Variants in SCN9A observed in about 807,000 individuals in gnomAD.
SCN9A encodes sodium voltage-gated channel alpha subunit 9.
Under a neutral mutation model 187.0 loss-of-function variants are expected in SCN9A, and 131 were observed. The ratio of observed to expected loss-of-function variants is 0.70; its 90% CI spans 0.61 to 0.81. The LOEUF is 0.81. Ranked by LOEUF, SCN9A falls within the 30% of genes least tolerant of loss-of-function variation. The pLI is 0.00. For synonymous variants in SCN9A, 809 were observed against 808.6 expected, an observed-to-expected ratio of 1.00 and a Z score of -0.01; for missense variants, 2,252 against 2,396.6, an observed-to-expected ratio of 0.94 and a Z score of 1.26.
At chr2:166,269,538 T>C (rs1696887296) in intron 17 of SCN9A, among the ~76,000 whole-genome samples, 1 of 152,066 alleles carries the variant, frequency 6.6e-6, no homozygotes, top group Non-Finnish European at 1.5e-5. Flanking sequence ...TTTATAACTG[T>C]ATAACTCTAT....
At chr2:166,297,870 GA>G (rs1269770302) in intron 7 of SCN9A, among the ~76,000 whole-genome samples, 1 of 151,926 alleles carries the variant, frequency 6.6e-6, no homozygotes, top group Non-Finnish European at 1.5e-5. Context: ...TACGTATGGG[GA>G]AAATGAAAAT....
intron 4 of SCN9A, among the ~76,000 whole-genome samples, chr2:166,306,171 A>T (rs187500785): frequency 2.2e-4 from 33 of 152,236 alleles, no homozygotes; most frequent in Non-Finnish European, 3.7e-4. Context: ...CTGCCTAAAA[A>T]TTTCCTACAT....
At chr2:166,243,291 G>T (rs150491845) in intron 18 of SCN9A, among the ~76,000 whole-genome samples, 2 of 151,890 alleles carry the variant, frequency 1.3e-5, no homozygotes, top group East Asian at 1.9e-4. Flanking sequence ...ATTCATTAAC[G>T]CATTCTTTTG....
intron 1 of SCN9A, among the ~76,000 whole-genome samples, chr2:166,358,946 A>C (rs1359031448): frequency 6.6e-6 from 1 of 152,196 alleles, no homozygotes; most frequent in East Asian, 1.9e-4. Context: ...TTAGGTGGCA[A>C]AGCAGTAATC....
chr2:166,207,718 G>A (rs1693881365), intron 24 of SCN9A, among the ~76,000 whole-genome samples: 3 of 152,206 alleles, frequency 2.0e-5, no homozygotes, highest in Non-Finnish European at 1.5e-5. Flanking sequence ...TGGGATTACA[G>A]GCGTGAGCCA....
rs1031609496 is a variant in SCN9A at position 166,195,591 on chromosome 2, T to A, written c.*3081A>T. 1.3e-5 allele frequency: 2 copies of A among 152,222 alleles called. No individual in the cohort carries two copies. The highest frequency in any genetic ancestry group is 1.3e-4 in the Admixed American group (2 of 15,278). The allele number at this position is 152,222 out of a possible 1,614,324, so 9.4% of individuals were successfully genotyped here. ...ATATGCATTTTATTTTCACTCTTTT[T>A]AATAAAGCTATCAAAACTCTATAAA... On this transcript the variant is annotated 3_prime_UTR_variant, in exon 27 of 27. Coordinates refer to ENST00000642356, the MANE Select transcript of SCN9A (RefSeq NM_001365536.1).
rs1694854450 is a variant in SCN9A, at chr2:166,226,670, T to G, written c.4295A>C (p.Tyr1432Ser). 6.3e-7 allele frequency: 1 copy of G among 1,586,230 alleles called. No homozygotes were observed. Among genetic ancestry groups the G allele is most frequent in the South Asian group, 1.2e-5 (1 of 83,526 alleles). ...DKQPKYEYSL[Y>S]MYIYFVVFII... ...AAAGACGACAAAATAAATATACATG[T>G]AGAGGCTATATTCATATTTGGGCTG... The change falls in exon 24 of 27, where the codon TAC (tyrosine) becomes TCC (serine). Residue 1432 changes from tyrosine (Y) to serine (S), a missense_variant. Tyr to Ser is a moderately radical substitution (Grantham distance 144). This residue lies in a region of SCN9A where 368 missense variants were observed against 408.6 expected (regional missense o/e 0.90). Coordinates refer to ENST00000642356, the MANE Select transcript of SCN9A (RefSeq NM_001365536.1).
chr2:166,245,793 AATTC>A (rs1283784757), intron 18 of SCN9A, among the ~76,000 whole-genome samples: 2 of 151,990 alleles, frequency 1.3e-5, no homozygotes, highest in African/African-American at 4.8e-5. Flanking sequence ...AAAACAATAT[AATTC>A]ATTAACAAGT....
intron 18 of SCN9A, chr2:166,248,385 A>T (rs1695886698): frequency 6.6e-6 from 1 of 152,094 alleles, no homozygotes; most frequent in Non-Finnish European, 1.5e-5. Flanking sequence ...CAATCCATCA[A>T]CAAATCCCTT....
chr2:166,330,973 T>C (rs1574933742), intron 1 of SCN9A, among the ~76,000 whole-genome samples: 1 of 152,210 alleles, frequency 6.6e-6, no homozygotes, highest in East Asian at 1.9e-4. Flanking sequence ...ATCTGTGGCT[T>C]ATACAACTGG....
chr2:166,362,540 T>C (rs1700310004), intron 1 of SCN9A, among the ~76,000 whole-genome samples: 2 of 152,060 alleles, frequency 1.3e-5, no homozygotes, highest in South Asian at 2.1e-4. Context: ...ATAAATAGGA[T>C]TGGAGTCATG....
intron 1 of SCN9A, among the ~76,000 whole-genome samples, chr2:166,360,619 G>C (rs1700260937): frequency 6.6e-6 from 1 of 152,164 alleles, no homozygotes; most frequent in South Asian, 2.1e-4. Context: ...GGCAGACTTA[G>C]GTTTGAATTT....
intron 16 of SCN9A, 21 bp from the exon 17 acceptor site, chr2:166,272,896 G>A (rs766457868): frequency 2.5e-6 from 3 of 1,179,222 alleles, no homozygotes; most frequent in Non-Finnish European, 3.4e-6. Flanking sequence ...GTGGGGAGAG[G>A]GGGTAGAGAA....
At chr2:166,356,344 A>C (rs1014528299) in intron 1 of SCN9A, among the ~76,000 whole-genome samples, 7 of 152,182 alleles carry the variant, frequency 4.6e-5, no homozygotes, top group African/African-American at 1.7e-4. Context: ...ACATTCATTC[A>C]TTCATTCATT....
rs754999894 is a variant in SCN9A, at chr2:166,280,589, T to A, written c.2111A>T (p.Glu704Val). ...AGGTGGACATTTTTGTCTGGACTCTTCAAGTTCTGGGAGAAAAAAGCAGAG... is the reference window on the plus strand; with the variant it reads ...AGGTGGACATTTTTGTCTGGACTCTACAAGTTCTGGGAGAAAAAAGCAGAG... ...SILTNTVEEL[E>V]ESRQKCPPWW... Residue 704 changes from glutamate to valine, a missense_variant, in exon 14 of 27, where the codon GAA becomes GTA. Physicochemically the swap from Glu to Val is moderately radical, Grantham distance 121. This residue lies in a region of SCN9A where 1,013 missense variants were observed against 997.4 expected (regional missense o/e 1.02). Transcript: ENST00000642356. The A allele has an allele frequency of 7.0e-6, 11 of 1,564,454 alleles. No homozygotes were observed. Among genetic ancestry groups the A allele is most frequent in the Middle Eastern group, 1.7e-4 (1 of 5,998 alleles).
chr2:166,220,136 G>A (rs944628544), intron 24 of SCN9A, among the ~76,000 whole-genome samples: 1 of 152,086 alleles, frequency 6.6e-6, no homozygotes, highest in South Asian at 2.1e-4. Context: ...CCAATAATGT[G>A]ATACACCACA....
intron 1 of SCN9A, among the ~76,000 whole-genome samples, chr2:166,335,558 C>A (rs1488712166): frequency 2.0e-5 from 3 of 152,156 alleles, no homozygotes; most frequent in Non-Finnish European, 4.4e-5. Flanking sequence ...GGGACACTTA[C>A]TGATTGGCTG....
At chr2:166,296,027 A>C (rs1051997554) in intron 7 of SCN9A, 1 of 152,182 alleles carries the variant, frequency 6.6e-6, no homozygotes, top group African/African-American at 2.4e-5. Context: ...ACTCAGGTCA[A>C]ATTAAAAAAT....
At chr2:166,369,233 A>C (rs1430157479) in intron 1 of SCN9A, among the ~76,000 whole-genome samples, 1 of 152,088 alleles carries the variant, frequency 6.6e-6, no homozygotes, top group Non-Finnish European at 1.5e-5. Flanking sequence ...ATATTTAAGA[A>C]ATTAATATTT....
Sources: allele counts gnomAD v4.1 joint callset (sites outside exome capture counted in the v4.1 genomes callset), GRCh38; gene constraint gnomAD v4.1.1; regional missense constraint gnomAD v4.1.1; transcripts MANE v1.5; gene names NCBI Gene and HGNC (gene_info 2026-07-23, HGNC 2026-07-21).